CNTNAP3B: variants seen among roughly 807,000 people sequenced by gnomAD.
CNTNAP3B encodes the protein contactin associated protein family member 3B, also known as contactin-associated protein-like 3B.
Under a neutral mutation model 108.9 loss-of-function variants are expected in CNTNAP3B, and 25 were observed. The ratio of observed to expected loss-of-function variants is 0.23; its 90% CI spans 0.17 to 0.32. The LOEUF (loss-of-function observed/expected upper bound fraction) is 0.32. CNTNAP3B is among the 10% of genes least tolerant of loss of function. The pLI, the probability that CNTNAP3B is intolerant of heterozygous loss-of-function variation, is 1.00. For synonymous variants in CNTNAP3B, 103 were observed against 473.4 expected (o/e 0.22, Z 10.16); for missense variants, 252 against 1,210.4 (o/e 0.21, Z 11.75).
chr9:41,945,703 T>C (rs1824512736), intron 13 of CNTNAP3B, among the ~76,000 whole-genome samples: 1 of 152,300 alleles, frequency 6.6e-6, no homozygotes, highest in Non-Finnish European at 1.5e-5. Flanking sequence ...CATTAACATA[T>C]GGATACATAT....
intron 10 of CNTNAP3B, 73 bp from the exon 11 acceptor site, chr9:41,964,717 G>T (rs1220391109): frequency 1.9e-6 from 3 of 1,538,526 alleles, no homozygotes; most frequent in Non-Finnish European, 2.6e-6. Flanking sequence ...CCAAAAACAG[G>T]TTAATGTGAA....
chr9:41,961,933 A>T (rs1230132944), intron 11 of CNTNAP3B, among the ~76,000 whole-genome samples: 2 of 152,304 alleles, frequency 1.3e-5, no homozygotes, highest in African/African-American at 4.8e-5. Flanking sequence ...ATTGATTTAA[A>T]TAGATACATA....
intron 1 of CNTNAP3B, among the ~76,000 whole-genome samples, chr9:42,121,764 CAT>C (rs1461266155): frequency 1.4e-5 from 2 of 139,902 alleles, no homozygotes; most frequent in African/African-American, 5.6e-5. Context: ...TTTCTTATAT[CAT>C]GTTATAATTA....
chr9:42,078,272 G>C (rs1461675917), intron 2 of CNTNAP3B, among the ~76,000 whole-genome samples: 2 of 98,068 alleles, frequency 2.0e-5, no homozygotes, highest in Non-Finnish European at 4.3e-5. Flanking sequence ...ATGGGGAAGT[G>C]TTAAGAAATA....
intron 12 of CNTNAP3B, among the ~76,000 whole-genome samples, chr9:41,956,523 A>G (rs1824864777): frequency 6.6e-6 from 1 of 152,194 alleles, no homozygotes; most frequent in South Asian, 2.1e-4. Flanking sequence ...TTTACTCAGT[A>G]TATCATATGA....
In CNTNAP3B at chr9:42,097,219, C is replaced by A. The variant is rs570885700; in HGVS notation, c.196+7410G>T. On this transcript the variant is annotated intron_variant, in intron 2 of 23. Coordinates refer to ENST00000377561, the MANE Select transcript of CNTNAP3B (RefSeq NM_001201380.3). ...TATCCCCGTTTTGTTTGAAAACTGA[C>A]GGAAAATATGACATCATGTTCCCAT... is the stretch of plus-strand genomic sequence containing the variant. Among the ~76,000 whole-genome samples the A allele has an allele frequency of 1.4e-5, 2 of 140,040 alleles. 1 individual carries two copies. The highest frequency in any genetic ancestry group is 3.1e-5 in the Non-Finnish European group (2 of 65,170). The allele number at this position is 140,040 out of a possible 152,430, so 91.9% of individuals were successfully genotyped here.
intron 11 of CNTNAP3B, among the ~76,000 whole-genome samples, chr9:41,964,072 C>A (rs1294263933): frequency 6.6e-6 from 1 of 152,414 alleles, no homozygotes; most frequent in African/African-American, 2.4e-5. Flanking sequence ...TTGCCATGTA[C>A]AATCCCATGA....
chr9:41,939,279 G>A (rs1312064256), intron 13 of CNTNAP3B, among the ~76,000 whole-genome samples: 1 of 152,300 alleles, frequency 6.6e-6, no homozygotes, highest in Non-Finnish European at 1.5e-5. Context: ...TAGGCCATGA[G>A]GAAAATGAAA....
intron 8 of CNTNAP3B, among the ~76,000 whole-genome samples, chr9:41,990,936 G>T (rs1263205178): frequency 2.2e-5 from 3 of 138,850 alleles, no homozygotes; most frequent in South Asian, 2.3e-4. Context: ...TGTGTGTGGG[G>T]TGGACATTGT....
At chr9:41,943,645 C>T (rs1308973688) in intron 13 of CNTNAP3B, among the ~76,000 whole-genome samples, 52 of 149,134 alleles carry the variant, frequency 3.5e-4, no homozygotes, top group African/African-American at 1.1e-3. Context: ...TGAGTCACCG[C>T]GCCCAGCCCT....
intron 15 of CNTNAP3B, among the ~76,000 whole-genome samples, 183 bp from the exon 16 acceptor site, chr9:41,924,276 C>T (rs906829697): frequency 2.0e-5 from 3 of 152,304 alleles, no homozygotes; most frequent in African/African-American, 7.2e-5. Flanking sequence ...GGTGATTACG[C>T]TGAGGATTGG....
At chr9:41,939,128 C>A (rs1824251121) in intron 13 of CNTNAP3B, among the ~76,000 whole-genome samples, 1 of 152,288 alleles carries the variant, frequency 6.6e-6, no homozygotes, top group African/African-American at 2.4e-5. Flanking sequence ...AGGGATGCTG[C>A]CAGGGGTTGG....
At chr9:41,942,598 G>A (rs1824390404) in intron 13 of CNTNAP3B, among the ~76,000 whole-genome samples, 1 of 149,622 alleles carries the variant, frequency 6.7e-6, no homozygotes, top group South Asian at 2.1e-4. Flanking sequence ...GCTACAGAGC[G>A]AGACTCTCTC....
At chr9:41,923,570 T>C (rs1417143074) in intron 16 of CNTNAP3B, among the ~76,000 whole-genome samples, 2 of 152,296 alleles carry the variant, frequency 1.3e-5, no homozygotes, top group African/African-American at 4.8e-5. Context: ...AAGACCAGCC[T>C]GGTCAACATG....
chr9:41,944,029 G>T (rs1334389555), intron 13 of CNTNAP3B, among the ~76,000 whole-genome samples: 1 of 152,016 alleles, frequency 6.6e-6, no homozygotes, highest in East Asian at 1.9e-4. Context: ...CAAGAAGAAA[G>T]TGAAGTGAAA....
intron 10 of CNTNAP3B, among the ~76,000 whole-genome samples, chr9:41,965,676 G>C (rs1369996911): frequency 6.6e-6 from 1 of 152,014 alleles, no homozygotes; most frequent in Non-Finnish European, 1.5e-5. Context: ...GAGCGGCAGA[G>C]GCGGGGAGCA....
At chr9:41,953,095 T>G in intron 13 of CNTNAP3B, 88 bp downstream of exon 13, 2 of 1,326,786 alleles carry the variant, frequency 1.5e-6, no homozygotes, top group Non-Finnish European at 2.0e-6. Context: ...GGAGGGACCC[T>G]GGCCTTTTCT....
At chr9:41,937,355 G>A (rs1824190524) in intron 14 of CNTNAP3B, among the ~76,000 whole-genome samples, 1 of 151,864 alleles carries the variant, frequency 6.6e-6, no homozygotes, top group Non-Finnish European at 1.5e-5. Context: ...TCAACCTTCT[G>A]ACCTCAGGTG....
At chr9:42,078,865 C>G (rs1316111757) in intron 2 of CNTNAP3B, among the ~76,000 whole-genome samples, 4 of 151,436 alleles carry the variant, frequency 2.6e-5, no homozygotes, top group South Asian at 4.2e-4. Flanking sequence ...CTCCTTCCAA[C>G]TTAACTTTTC....
Sources: gnomAD v4.1 joint callset for allele counts (sites outside exome capture counted in the v4.1 genomes callset) on GRCh38, gnomAD v4.1.1 for gene constraint, MANE v1.5 for transcripts, NCBI Gene and HGNC (gene_info 2026-07-23, HGNC 2026-07-21) for gene names.